Variants in SMC2 observed in about 807,000 individuals in gnomAD.
SMC2 encodes structural maintenance of chromosomes protein 2.
In SMC2, 41 loss-of-function variants were observed where a neutral mutation model predicts 142.6. That is an observed-to-expected ratio of 0.29 (90% CI 0.22 to 0.37). SMC2 has a LOEUF of 0.37. Among genes scored for constraint, SMC2 ranks in the 10% least tolerant of loss-of-function variants. SMC2 has a pLI of 1.00. For synonymous variants in SMC2, 463 were observed against 457.5 expected, an observed-to-expected ratio of 1.01 and a Z score of -0.15; for missense variants, 1,265 against 1,373.7, an observed-to-expected ratio of 0.92 and a Z score of 1.25.
At chr9:104,123,588 T>C (rs550824537) in intron 17 of SMC2, among the ~76,000 whole-genome samples, 5 of 152,334 alleles carry the variant, frequency 3.3e-5, no homozygotes, top group African/African-American at 1.2e-4. Context: ...TTGGGATCTT[T>C]TTTTGTATGT....
At chr9:104,100,327 C>T (rs1468537460) in intron 6 of SMC2, 62 bp from the exon 7 acceptor site, 2 of 1,466,254 alleles carry the variant, frequency 1.4e-6, no homozygotes, top group African/African-American at 2.9e-5. Flanking sequence ...TGCTACTTCT[C>T]TTTCAAATAA....
intron 7 of SMC2, among the ~76,000 whole-genome samples, 153 bp from the exon 8 acceptor site, chr9:104,101,807 T>A (rs1351397926): frequency 6.6e-6 from 1 of 152,248 alleles, no homozygotes; most frequent in Non-Finnish European, 1.5e-5. Context: ...TGACTTCTGA[T>A]GTTACGTAAA....
Position 104,101,968 on chromosome 9 carries a change from G to A in SMC2, c.645G>A (p.Ser215=), listed in dbSNP as rs558666624. ...PTIQKLKEER[S]SYLEYQKVMR... is the part of the protein sequence containing the mutation. Reference sequence around the variant, plus strand: ...TGTGATTTCTCTTTCAGGAAAGATCGTCCTACTTGGAGTACCAAAAAGTAA... The same window carrying A: ...TGTGATTTCTCTTTCAGGAAAGATCATCCTACTTGGAGTACCAAAAAGTAA... The change falls in exon 8 of 25, where the codon TCG becomes TCA. Residue 215 remains serine (S), a synonymous_variant. Coordinates refer to ENST00000374793, the MANE Select transcript of SMC2 (RefSeq NM_006444.3). 28 of 1,561,694 alleles carry A rather than the reference G, an allele frequency of 1.8e-5. No homozygotes were observed. The highest frequency in any genetic ancestry group is 1.4e-4 in the African/African-American group (10 of 72,922).
At chr9:104,102,752 T>G (rs1831307520) in intron 9 of SMC2, among the ~76,000 whole-genome samples, 179 bp downstream of exon 9, 1 of 152,160 alleles carries the variant, frequency 6.6e-6, no homozygotes, top group South Asian at 2.1e-4. Flanking sequence ...GGACCTTCAT[T>G]CCATTGGGGG....
At chr9:104,136,001 A>C (rs1306943550) in intron 23 of SMC2, 2 of 502,720 alleles carry the variant, frequency 4.0e-6, no homozygotes, top group East Asian at 5.5e-5. Flanking sequence ...AGTTCAGGGA[A>C]GTTTCTCCTG....
chr9:104,122,267 A>G (rs561974125), intron 16 of SMC2, among the ~76,000 whole-genome samples: 3 of 152,316 alleles, frequency 2.0e-5, no homozygotes, highest in Admixed American at 1.3e-4. Context: ...GAAGGAAAAT[A>G]GATTTTGAAA....
At chr9:104,100,494 C>A in intron 7 of SMC2, 61 bp downstream of exon 7, 4 of 1,036,276 alleles carry the variant, frequency 3.9e-6, no homozygotes, top group South Asian at 2.8e-5. Context: ...GCAATGTATC[C>A]AAAATCATAC....
chr9:104,105,419 A>G (rs1831644791), intron 9 of SMC2, among the ~76,000 whole-genome samples: 1 of 152,118 alleles, frequency 6.6e-6, no homozygotes, highest in Non-Finnish European at 1.5e-5. Flanking sequence ...GGATGCACAT[A>G]GCACCCTTTC....
intron 19 of SMC2, 97 bp downstream of exon 19, chr9:104,126,881 A>T: frequency 4.2e-6 from 5 of 1,187,030 alleles, no homozygotes; most frequent in Non-Finnish European, 4.7e-6. Flanking sequence ...CAGTCTTTTC[A>T]CTCGTCATCA....
chr9:104,094,520 C>T (rs1207795914), intron 1 of SMC2, 43 bp downstream of exon 1: 1 of 301,184 alleles, frequency 3.3e-6, no homozygotes, highest in Non-Finnish European at 5.6e-6. Context: ...CCGGGCCAGA[C>T]TTCCTGGCGG....
At chr9:104,117,170 C>CTT (rs752964434) in intron 14 of SMC2, among the ~76,000 whole-genome samples, 9 of 152,100 alleles carry the variant, frequency 5.9e-5, no homozygotes, top group South Asian at 4.1e-4. Flanking sequence ...TTGGTACTTT[C>CTT]TTTACTTGAA....
At chr9:104,098,328 A>G in intron 3 of SMC2, 118 bp from the exon 4 acceptor site, 1 of 765,846 alleles carries the variant, frequency 1.3e-6, no homozygotes, top group Non-Finnish European at 1.9e-6. Context: ...TTTATGCAGA[A>G]TTGGTTTTGT....
intron 11 of SMC2, 124 bp downstream of exon 11, chr9:104,113,599 T>G: frequency 1.4e-6 from 1 of 721,886 alleles, no homozygotes; most frequent in Non-Finnish European, 2.1e-6. Context: ...AGCATTAGTA[T>G]AAGAAGTGTT....
chr9:104,130,294 G>C (rs1834801680), intron 21 of SMC2, among the ~76,000 whole-genome samples: 1 of 152,084 alleles, frequency 6.6e-6, no homozygotes, highest in Admixed American at 6.5e-5. Flanking sequence ...ACTCAATAAT[G>C]TTATTCTTCC....
intron 9 of SMC2, among the ~76,000 whole-genome samples, chr9:104,108,959 T>C (rs906984279): frequency 6.6e-6 from 1 of 152,132 alleles, no homozygotes. Context: ...TGAAAGGACA[T>C]GCATATTTCT....
chr9:104,088,600 G>A, the SMC2 span, among the ~76,000 whole-genome samples: 1 of 151,962 alleles, frequency 6.6e-6, no homozygotes, highest in Non-Finnish European at 1.5e-5. Flanking sequence ...TAATGCTTCA[G>A]GAATGACGAA....
chr9:104,095,046 A>T (rs1394906037), intron 1 of SMC2, among the ~76,000 whole-genome samples: 1 of 152,204 alleles, frequency 6.6e-6, no homozygotes, highest in Non-Finnish European at 1.5e-5. Context: ...AATAATCCAT[A>T]GTCTTTGTTT....
intron 15 of SMC2, 134 bp from the exon 16 acceptor site, chr9:104,119,893 T>G (rs1437068295): frequency 1.8e-5 from 15 of 855,210 alleles, no homozygotes; most frequent in Non-Finnish European, 2.8e-5. Flanking sequence ...ATGGAATGAA[T>G]TCCATGGCTT....
chr9:104,103,171 G>A (rs561661131), intron 9 of SMC2, among the ~76,000 whole-genome samples: 4 of 152,150 alleles, frequency 2.6e-5, no homozygotes, highest in Non-Finnish European at 5.9e-5. Flanking sequence ...TTGAATGTTA[G>A]GATAGTTCAA....
Sources: gnomAD v4.1 joint callset for allele counts (sites outside exome capture counted in the v4.1 genomes callset) on GRCh38, gnomAD v4.1.1 for gene constraint, MANE v1.5 for transcripts, NCBI Gene and HGNC (gene_info 2026-07-23, HGNC 2026-07-21) for gene names.